CAMK4: variants seen among roughly 807,000 people sequenced by gnomAD.
CAMK4 encodes the protein calcium/calmodulin-dependent protein kinase type IV.
CAMK4 carries 22 observed loss-of-function variants against 44.9 expected under a neutral mutation model. That is an observed-to-expected ratio of 0.49 (90% CI 0.35 to 0.70). CAMK4 has a LOEUF of 0.70. CAMK4 is among the 30% of genes least tolerant of loss of function. CAMK4 has a pLI of 0.01. For synonymous variants in CAMK4, 218 were observed against 215.4 expected (o/e 1.01, Z -0.11); for missense variants, 498 against 586.8 (o/e 0.85, Z 1.56).
intron 1 of CAMK4, among the ~76,000 whole-genome samples, chr5:111,243,219 T>A (rs759712603): frequency 2.0e-5 from 3 of 152,178 alleles, no homozygotes; most frequent in Admixed American, 2.0e-4. Flanking sequence ...AGTGGGATTT[T>A]ATAGCCAAGG....
chr5:111,234,246 A>G (rs374208120), intron 1 of CAMK4, among the ~76,000 whole-genome samples: 92 of 152,324 alleles, frequency 6.0e-4, no homozygotes, highest in African/African-American at 2.1e-3. Context: ...ACAAAAAATC[A>G]TATTGCAAGG....
Position 111,488,389 on chromosome 5 carries a change from G to C in CAMK4, c.*3923G>C, listed in dbSNP as rs1288233660. On this transcript the variant is annotated 3_prime_UTR_variant, in exon 11 of 11. Coordinates refer to ENST00000282356, the MANE Select transcript of CAMK4 (RefSeq NM_001744.6). ...GACTTTTGAAAATTTTTTACATACT[G>C]ATTTTAGAATAATCCTCAAGGTTCT... 1 of 152,128 alleles carries C rather than the reference G, an allele frequency of 6.6e-6. No individual in the cohort carries two copies. The allele number at this position is 152,128 out of a possible 1,614,324, so 9.4% of individuals were successfully genotyped here. A position where few individuals can be genotyped will look rare whatever the true frequency, so the allele number is the denominator to read the frequency against.
At chr5:111,263,698 C>G (rs1035933171) in intron 1 of CAMK4, among the ~76,000 whole-genome samples, 1 of 152,138 alleles carries the variant, frequency 6.6e-6, no homozygotes, top group African/African-American at 2.4e-5. Context: ...TATAACCCTC[C>G]CATAGCTTTC....
chr5:111,252,954 A>G (rs941702246), intron 1 of CAMK4, among the ~76,000 whole-genome samples: 5 of 152,240 alleles, frequency 3.3e-5, no homozygotes, highest in African/African-American at 9.6e-5. Context: ...ACAGCTGTGC[A>G]TGGACAATGC....
At chr5:111,463,839 A>G (rs1294922080) in intron 7 of CAMK4, among the ~76,000 whole-genome samples, 1 of 152,192 alleles carries the variant, frequency 6.6e-6, no homozygotes, top group Non-Finnish European at 1.5e-5. Context: ...AAGAATCAGA[A>G]TAGCAGCCTT....
At chr5:111,345,414 A>C (rs1185990107) in intron 2 of CAMK4, among the ~76,000 whole-genome samples, 1 of 151,938 alleles carries the variant, frequency 6.6e-6, no homozygotes, top group Non-Finnish European at 1.5e-5. Flanking sequence ...ACAGTCATAA[A>C]ATTTATCTGA....
intron 7 of CAMK4, among the ~76,000 whole-genome samples, chr5:111,455,656 A>G (rs893490191): frequency 6.6e-6 from 1 of 152,242 alleles, no homozygotes; most frequent in African/African-American, 2.4e-5. Flanking sequence ...AAGGCGTGGT[A>G]GGTCTCCACA....
At chr5:111,393,038 CT>C (rs1303020834) in intron 4 of CAMK4, among the ~76,000 whole-genome samples, 1 of 152,106 alleles carries the variant, frequency 6.6e-6, no homozygotes, top group Non-Finnish European at 1.5e-5. Flanking sequence ...GGTGAATGAA[CT>C]CATTATTTTG....
chr5:111,337,603 A>G (rs1487630587), intron 1 of CAMK4, among the ~76,000 whole-genome samples: 1 of 151,032 alleles, frequency 6.6e-6, no homozygotes, highest in Non-Finnish European at 1.5e-5. Flanking sequence ...TTGAGAAGAA[A>G]TAATTGCAAT....
intron 1 of CAMK4, among the ~76,000 whole-genome samples, chr5:111,267,258 T>C (rs1284697500): frequency 6.6e-6 from 1 of 152,208 alleles, no homozygotes; most frequent in Non-Finnish European, 1.5e-5. Context: ...AAGATCGTAA[T>C]TTGGGCCCTA....
intron 2 of CAMK4, among the ~76,000 whole-genome samples, chr5:111,363,307 C>T (rs1407564945): frequency 2.6e-5 from 4 of 152,096 alleles, no homozygotes; most frequent in African/African-American, 9.7e-5. Flanking sequence ...ATTCTAATCT[C>T]ATCTAACTGA....
intron 2 of CAMK4, among the ~76,000 whole-genome samples, chr5:111,345,590 C>G (rs557543759): frequency 6.6e-6 from 1 of 151,952 alleles, no homozygotes; most frequent in African/African-American, 2.4e-5. Context: ...TTGTGAAGGG[C>G]TATTTGTTTT....
chr5:111,245,512 A>G (rs17132966), intron 1 of CAMK4, among the ~76,000 whole-genome samples: 2,174 of 152,258 alleles, frequency 0.014, 21 homozygotes, highest in East Asian at 0.057. Flanking sequence ...TTCTTGGTCT[A>G]CTTTCTCTGA....
chr5:111,473,173 T>G (rs1580800449), intron 7 of CAMK4, 138 bp from the exon 8 acceptor site: 1 of 700,444 alleles, frequency 1.4e-6, no homozygotes, highest in South Asian at 1.6e-5. Flanking sequence ...AGCTTCATAC[T>G]GTGGTTTGGG....
intron 5 of CAMK4, among the ~76,000 whole-genome samples, chr5:111,442,303 G>A (rs1753853092): frequency 6.6e-6 from 1 of 152,104 alleles, no homozygotes; most frequent in Non-Finnish European, 1.5e-5. Context: ...AGACCAAGCT[G>A]GCCAACATGG....
rs1326267561 is a variant in CAMK4 at position 111,492,431 on chromosome 5, G to C, written c.*7965G>C. Reference sequence around the variant, plus strand: ...CCAGTCCGCATCATTATGTGTAGCAGAGACTTTACTGGAATGAGTGAGGGG... The same window carrying C: ...CCAGTCCGCATCATTATGTGTAGCACAGACTTTACTGGAATGAGTGAGGGG... On this transcript the variant is annotated 3_prime_UTR_variant, in exon 11 of 11. Coordinates refer to ENST00000282356, the MANE Select transcript of CAMK4 (RefSeq NM_001744.6). 6.6e-6 allele frequency: 1 copy of C among 152,204 alleles called. No individual in the cohort carries two copies. The highest frequency in any genetic ancestry group is 1.5e-5 in the Non-Finnish European group (1 of 68,036). 9.4% of individuals were successfully genotyped at this position (152,204 alleles called of 1,614,324 possible).
chr5:111,452,451 G>A (rs1057015615), intron 7 of CAMK4, among the ~76,000 whole-genome samples: 1 of 152,086 alleles, frequency 6.6e-6, no homozygotes, highest in African/African-American at 2.4e-5. Flanking sequence ...GACATATTAT[G>A]ACATGAATTT....
intron 1 of CAMK4, among the ~76,000 whole-genome samples, chr5:111,291,238 C>T (rs1645793852): frequency 6.6e-6 from 1 of 152,052 alleles, no homozygotes; most frequent in South Asian, 2.1e-4. Context: ...TTATGATATC[C>T]TGTATTTTCT....
rs1485831689 is a variant in CAMK4, at chr5:111,237,680, A to C, written c.161+13036A>C. 2.0e-5 allele frequency among the ~76,000 whole-genome samples: 3 copies of C among 152,318 alleles called. No individual in the cohort carries two copies. The East Asian group carries it at 5.8e-4, about 29-fold the overall frequency. ...CCCTCTAGTTTTGCTTTTAGAAAAG[A>C]ATCATTCTTTTTAAAAAGCTTGACT... On this transcript the variant is annotated intron_variant, in intron 1 of 10. Coordinates refer to ENST00000282356, the MANE Select transcript of CAMK4 (RefSeq NM_001744.6).
Sources: allele counts gnomAD v4.1 joint callset (sites outside exome capture counted in the v4.1 genomes callset), GRCh38; gene constraint gnomAD v4.1.1; transcripts MANE v1.5; gene names NCBI Gene and HGNC (gene_info 2026-07-23, HGNC 2026-07-21).